Variants in GSK3B observed in about 807,000 individuals in gnomAD.
The protein encoded by GSK3B is glycogen synthase kinase 3 beta.
A neutral mutation model predicts 56.4 loss-of-function variants in GSK3B; 15 were observed. The ratio of observed to expected loss-of-function variants is 0.27; its 90% CI spans 0.18 to 0.41. The LOEUF (loss-of-function observed/expected upper bound fraction) is 0.41. GSK3B is among the 10% of genes least tolerant of loss of function. The pLI is 1.00. For missense variants in GSK3B, 300 were observed against 513.4 expected (o/e 0.58, Z 4.02); for synonymous variants, 181 against 188.9 (o/e 0.96, Z 0.34).
intron 7 of GSK3B, among the ~76,000 whole-genome samples, chr3:119,892,788 A>AT (rs1404934177): frequency 1.6e-4 from 25 of 152,296 alleles, no homozygotes; most frequent in African/African-American, 5.5e-4. Context: ...AAATGGTTGA[A>AT]TACCTAAACA....
At position 119,823,927 on chromosome 3, in the gene GSK3B, A is replaced by T. The variant is rs1478608587; in HGVS notation, c.*2861T>A. On this transcript the variant is annotated 3_prime_UTR_variant, in exon 11 of 11. Coordinates refer to ENST00000264235, the MANE Select transcript of GSK3B (RefSeq NM_001146156.2). The stretch of plus-strand genomic sequence containing the variant: ...TTTAAAAAAGAACAAATTAAAAAAA[A>T]AAACACATGGAAGCGAAGGCACTCC... 1 of 197,326 alleles carries T rather than the reference A, an allele frequency of 5.1e-6. No homozygotes were observed. The highest frequency in any genetic ancestry group is 1.0e-5 in the Non-Finnish European group (1 of 95,248). The allele number at this position is 197,326 out of a possible 1,614,324, so 12.2% of individuals were successfully genotyped here. A position where few individuals can be genotyped will look rare whatever the true frequency, so the allele number is the denominator to read the frequency against.
intron 1 of GSK3B, among the ~76,000 whole-genome samples, chr3:120,050,887 C>T (rs1263466431): frequency 1.3e-5 from 2 of 152,044 alleles, no homozygotes; most frequent in African/African-American, 2.4e-5. Flanking sequence ...AGAGTATGAA[C>T]AAATGGCTGA....
chr3:120,009,682 G>A (rs1266100817), intron 1 of GSK3B, among the ~76,000 whole-genome samples: 1 of 151,948 alleles, frequency 6.6e-6, no homozygotes, highest in African/African-American at 2.4e-5. Context: ...ACACACCAGG[G>A]TCTGTGGGGG....
At chr3:120,029,066 G>A (rs1255034725) in intron 1 of GSK3B, 18 of 747,552 alleles carry the variant, frequency 2.4e-5, no homozygotes, top group Non-Finnish European at 1.4e-5. Flanking sequence ...TTTACAGGCT[G>A]TGCATTTGGA....
At chr3:119,996,325 A>G (rs1199482570) in intron 2 of GSK3B, among the ~76,000 whole-genome samples, 1 of 152,242 alleles carries the variant, frequency 6.6e-6, no homozygotes, top group Non-Finnish European at 1.5e-5. Context: ...TAGATCTACT[A>G]TTTTGTTACC....
At chr3:119,956,304 C>T (rs1312069029) in intron 2 of GSK3B, among the ~76,000 whole-genome samples, 6 of 152,124 alleles carry the variant, frequency 3.9e-5, no homozygotes, top group Admixed American at 2.6e-4. Context: ...AAAGCAATAC[C>T]GTATGTTCTT....
At chr3:119,919,041 T>C (rs1450099001) in intron 4 of GSK3B, among the ~76,000 whole-genome samples, 1 of 151,700 alleles carries the variant, frequency 6.6e-6, no homozygotes, top group African/African-American at 2.4e-5. Flanking sequence ...TATTTTCAAT[T>C]AAAAAAAAAT....
chr3:119,844,576 C>G (rs2055829392), intron 9 of GSK3B, among the ~76,000 whole-genome samples: 1 of 152,128 alleles, frequency 6.6e-6, no homozygotes, highest in South Asian at 2.1e-4. Flanking sequence ...ACTAGAAAAT[C>G]TAGAAGAAAT....
intron 9 of GSK3B, among the ~76,000 whole-genome samples, chr3:119,851,030 C>T (rs942430738): frequency 6.6e-6 from 1 of 152,092 alleles, no homozygotes; most frequent in Non-Finnish European, 1.5e-5. Flanking sequence ...ATAAAAATTT[C>T]TTCAGCCAAC....
At chr3:120,081,003 T>A (rs1365157340) in intron 1 of GSK3B, among the ~76,000 whole-genome samples, 1 of 152,176 alleles carries the variant, frequency 6.6e-6, no homozygotes, top group East Asian at 1.9e-4. Context: ...CAGGTTTCAC[T>A]GTTATAAATC....
At chr3:119,901,502 A>G (rs2056624855) in intron 7 of GSK3B, among the ~76,000 whole-genome samples, 1 of 152,202 alleles carries the variant, frequency 6.6e-6, no homozygotes, top group Admixed American at 6.5e-5. Flanking sequence ...ATATTTTACA[A>G]AAACCTTATT....
chr3:119,908,236 G>C (rs1264456552), intron 6 of GSK3B, among the ~76,000 whole-genome samples: 2 of 152,108 alleles, frequency 1.3e-5, no homozygotes, highest in South Asian at 2.1e-4. Flanking sequence ...GAGATGATGT[G>C]TTAACTTTTT....
chr3:119,876,481 T>C lies in GSK3B; in HGVS notation c.841A>G (p.Ile281Val). The C allele has an allele frequency of 6.2e-7, 1 of 1,607,832 alleles. No homozygotes were observed. Among genetic ancestry groups the C allele is most frequent in the Non-Finnish European group, 8.5e-7 (1 of 1,174,388 alleles). ...KVLGTPTREQ[I>V]REMNPNYTEF... ...GTGTAGTTTGGGTTCATTTCTCTGATTTGCTCCCTTGTTGGAGTTCCCAGG... is the reference window on the plus strand; with the variant it reads ...GTGTAGTTTGGGTTCATTTCTCTGACTTGCTCCCTTGTTGGAGTTCCCAGG... The change falls in exon 8 of 11, where the codon ATC becomes GTC. Residue 281 changes from isoleucine to valine, a missense_variant. Around this residue, in one of 6 missense-constraint regions of GSK3B, gnomAD observed 39 missense variants for 154.6 expected, o/e 0.25. Coordinates refer to ENST00000264235, the MANE Select transcript of GSK3B (RefSeq NM_001146156.2).
At chr3:120,012,041 T>C (rs1041855292) in intron 1 of GSK3B, among the ~76,000 whole-genome samples, 8 of 152,134 alleles carry the variant, frequency 5.3e-5, no homozygotes, top group Admixed American at 5.2e-4. Flanking sequence ...TCCAGAGTAA[T>C]AGGAAGTAAG....
chr3:120,055,784 A>G (rs1424739574), intron 1 of GSK3B, among the ~76,000 whole-genome samples: 4 of 152,324 alleles, frequency 2.6e-5, no homozygotes, highest in South Asian at 2.1e-4. Flanking sequence ...TCAACAAAGA[A>G]TATTAGCCAA....
Position 119,826,828 on chromosome 3 carries a change from G to T in GSK3B, c.1223C>A (p.Thr408Asn). The T allele has an allele frequency of 6.2e-7, 1 of 1,612,384 alleles. No individual in the cohort carries two copies. The highest frequency in any genetic ancestry group is 8.5e-7 in the Non-Finnish European group (1 of 1,178,392). Reference protein sequence around the residue: ...SDANTGDRGQTNNAASASASN... With the variant: ...SDANTGDRGQNNNAASASASN... ...AGCTGATGCAGAAGCAGCATTATTG[G>T]TCTGTCCACGGTCTCCAGTATTAGC... Residue 408 changes from threonine (T) to asparagine (N), a missense_variant, in exon 11 of 11, where the codon ACC becomes AAC. Thr to Asn is a moderately conservative substitution (Grantham distance 65, BLOSUM62 0). This residue lies in a region of GSK3B where 88 missense variants were observed against 92.7 expected (regional missense o/e 0.95). Transcript: ENST00000264235.
At chr3:119,987,251 A>C (rs1447807318) in intron 2 of GSK3B, among the ~76,000 whole-genome samples, 1 of 152,192 alleles carries the variant, frequency 6.6e-6, no homozygotes, top group African/African-American at 2.4e-5. Context: ...GGGTGCAGCA[A>C]ACCAACATGG....
In GSK3B at chr3:119,895,894, T is replaced by C. The variant is rs528834307; in HGVS notation, c.813+9861A>G. On this transcript the variant is annotated intron_variant, in intron 7 of 10. Transcript: ENST00000264235. ...ATCCCAGCACTTCGGGAGGCCAAGGTAGGTGGATCACTTCTTGAGCCCAGG... is the reference window on the plus strand; with the variant it reads ...ATCCCAGCACTTCGGGAGGCCAAGGCAGGTGGATCACTTCTTGAGCCCAGG... Among the ~76,000 whole-genome samples the C allele has an allele frequency of 9.2e-5, 14 of 152,064 alleles. 1 individual carries two copies. The South Asian group carries it at 2.9e-3, about 32-fold the overall frequency.
intron 7 of GSK3B, among the ~76,000 whole-genome samples, chr3:119,880,665 C>T (rs1347780913): frequency 6.6e-6 from 1 of 152,080 alleles, no homozygotes; most frequent in East Asian, 1.9e-4. Flanking sequence ...AATTTCTGAG[C>T]AAACTCCTAA....
Sources: allele counts gnomAD v4.1 joint callset (sites outside exome capture counted in the v4.1 genomes callset), GRCh38; gene constraint gnomAD v4.1.1; regional missense constraint gnomAD v4.1.1; transcripts MANE v1.5; gene names NCBI Gene and HGNC (gene_info 2026-07-23, HGNC 2026-07-21).